KCNAB1: variants seen among roughly 807,000 people sequenced by gnomAD.
KCNAB1 encodes potassium voltage-gated channel subfamily A regulatory beta subunit 1, also known as voltage-gated potassium channel subunit beta-1.
Under a neutral mutation model 64.6 loss-of-function variants are expected in KCNAB1, and 35 were observed. That is an observed-to-expected ratio of 0.54 (90% CI 0.41 to 0.72). The LOEUF (loss-of-function observed/expected upper bound fraction) is 0.72. Ranked by LOEUF, KCNAB1 falls within the 30% of genes least tolerant of loss-of-function variation. The pLI, the probability that KCNAB1 is intolerant of heterozygous loss-of-function variation, is 0.00. For synonymous variants in KCNAB1, 177 were observed against 183.8 expected, an observed-to-expected ratio of 0.96 and a Z score of 0.30; for missense variants, 401 against 512.9, an observed-to-expected ratio of 0.78 and a Z score of 2.11.
At chr3:156,493,976 A>C (rs1447984638) in intron 8 of KCNAB1, among the ~76,000 whole-genome samples, 1 of 152,166 alleles carries the variant, frequency 6.6e-6, no homozygotes, top group Non-Finnish European at 1.5e-5. Flanking sequence ...TCTCCACTGT[A>C]AAGTTACCTT....
intron 8 of KCNAB1, among the ~76,000 whole-genome samples, chr3:156,501,226 A>G (rs941264538): frequency 6.6e-6 from 1 of 152,190 alleles, no homozygotes; most frequent in Non-Finnish European, 1.5e-5. Flanking sequence ...TGAGAGTCCA[A>G]AAAGCCTGCA....
chr3:156,201,400 T>C (rs1191165586), intron 1 of KCNAB1, among the ~76,000 whole-genome samples: 2 of 152,198 alleles, frequency 1.3e-5, no homozygotes, highest in Non-Finnish European at 1.5e-5. Context: ...ACAATCTCTT[T>C]CACTATCCAC....
In KCNAB1 at chr3:156,476,350, T is replaced by G. The variant is rs544490085; in HGVS notation, c.658+1530T>G. 2.1e-4 allele frequency among the ~76,000 whole-genome samples: 32 copies of G among 152,218 alleles called. No homozygotes were observed. In the South Asian group the frequency reaches 6.2e-3, roughly 30 times the overall value. Reference sequence around the variant, plus strand: ...GTCCACTGTAGCATGCTTATGTCTTTGTGTCCTCATAGCTTAGTTCTCACA... The same window carrying G: ...GTCCACTGTAGCATGCTTATGTCTTGGTGTCCTCATAGCTTAGTTCTCACA... On this transcript the variant is annotated intron_variant, in intron 8 of 13. Transcript: ENST00000490337.
chr3:156,142,926 G>A (rs1346386626), intron 1 of KCNAB1: 1 of 1,082,344 alleles, frequency 9.2e-7, no homozygotes, highest in African/African-American at 1.6e-5. Context: ...ACTTTAAAGG[G>A]ATGAGAAAAG....
In KCNAB1 at chr3:156,531,454, C is replaced by T. The variant is rs1718695961; in HGVS notation, c.1127C>T (p.Ser376Leu). The T allele has an allele frequency of 6.2e-7, 1 of 1,614,096 alleles. No homozygotes were observed. The highest frequency in any genetic ancestry group is 8.5e-7 in the Non-Finnish European group (1 of 1,179,946). The change falls in exon 13 of 14, where the codon TCA (serine) becomes TTA (leucine). Residue 376 changes from serine to leucine, a missense_variant. Ser to Leu is a moderately radical substitution (Grantham distance 145). Transcript: ENST00000490337. ...GGTGTGAGTTCTGTGCTCCTGGGAT[C>T]ATCCACTCCTGAACAACTCATTGAA... The part of the protein sequence containing the change: ...NEGVSSVLLG[S>L]STPEQLIENL...
chr3:156,141,032 A>G (rs1417394119), intron 1 of KCNAB1, among the ~76,000 whole-genome samples: 1 of 152,002 alleles, frequency 6.6e-6, no homozygotes, highest in African/African-American at 2.4e-5. Context: ...CATGTGGTGG[A>G]AAAACCCATA....
intron 11 of KCNAB1, 125 bp from the exon 12 acceptor site, chr3:156,523,702 T>C (rs1718106413): frequency 2.5e-6 from 2 of 813,870 alleles, no homozygotes; most frequent in Admixed American, 2.3e-5. Context: ...TCCCTGTCAG[T>C]GTGAAACATA....
At chr3:156,148,698 A>G (rs116736215) in intron 1 of KCNAB1, among the ~76,000 whole-genome samples, 1,710 of 152,322 alleles carry the variant, frequency 0.011, 31 homozygotes, top group African/African-American at 0.039. Context: ...CTTTTTAACC[A>G]ATCCTAGTAA....
chr3:156,329,860 C>T (rs1723219773), intron 1 of KCNAB1, among the ~76,000 whole-genome samples: 2 of 152,106 alleles, frequency 1.3e-5, no homozygotes, highest in African/African-American at 4.8e-5. Flanking sequence ...GAGTCCAGAC[C>T]AGGCTGGGTT....
intron 1 of KCNAB1, among the ~76,000 whole-genome samples, chr3:156,381,371 G>A (rs1712146464): frequency 6.6e-6 from 1 of 152,168 alleles, no homozygotes; most frequent in Non-Finnish European, 1.5e-5. Flanking sequence ...AGGATACTGA[G>A]GGGATTCTGG....
At chr3:156,357,182 C>T (rs1725310441) in intron 1 of KCNAB1, among the ~76,000 whole-genome samples, 1 of 152,108 alleles carries the variant, frequency 6.6e-6, no homozygotes. Flanking sequence ...CACACACACA[C>T]ACACCCCTGT....
At chr3:156,516,032 T>C (rs929828345) in intron 10 of KCNAB1, among the ~76,000 whole-genome samples, 7 of 152,160 alleles carry the variant, frequency 4.6e-5, no homozygotes, top group African/African-American at 1.7e-4. Context: ...TTTCAGGCTT[T>C]CTGATATGCA....
At chr3:156,247,305 A>G (rs1398910692) in intron 1 of KCNAB1, among the ~76,000 whole-genome samples, 2 of 152,220 alleles carry the variant, frequency 1.3e-5, no homozygotes. Context: ...ATTGGTACAC[A>G]GTCACTTCTG....
At chr3:156,368,496 C>T (rs186511031) in intron 1 of KCNAB1, among the ~76,000 whole-genome samples, 3 of 152,310 alleles carry the variant, frequency 2.0e-5, no homozygotes, top group Admixed American at 1.3e-4. Flanking sequence ...GCAATCATAG[C>T]TCACTGCAGC....
At chr3:156,246,677 A>G (rs7627105) in intron 1 of KCNAB1, among the ~76,000 whole-genome samples, 119,400 of 148,920 alleles carry the variant, frequency 0.8, 48,079 homozygotes, top group East Asian at 0.99. Context: ...AGTCATTTAT[A>G]TATATTGTGC....
At chr3:156,387,920 A>C (rs1450106) in intron 1 of KCNAB1, among the ~76,000 whole-genome samples, 1 of 152,066 alleles carries the variant, frequency 6.6e-6, no homozygotes, top group African/African-American at 2.4e-5. Flanking sequence ...TGGTAAAGAA[A>C]ATTCACCGCG....
At chr3:156,396,009 G>A (rs751730512) in intron 1 of KCNAB1, among the ~76,000 whole-genome samples, 12 of 152,170 alleles carry the variant, frequency 7.9e-5, no homozygotes, top group Non-Finnish European at 1.3e-4. Context: ...TGTAGAAGTC[G>A]AAACAATTTA....
chr3:156,345,449 T>C (rs1724422704), intron 1 of KCNAB1, among the ~76,000 whole-genome samples: 1 of 152,220 alleles, frequency 6.6e-6, no homozygotes, highest in Admixed American at 6.5e-5. Flanking sequence ...CATTGTATTA[T>C]GGCCTACAAA....
At chr3:156,399,304 T>C (rs1321075378) in intron 1 of KCNAB1, among the ~76,000 whole-genome samples, 4 of 152,004 alleles carry the variant, frequency 2.6e-5, no homozygotes, top group Non-Finnish European at 5.9e-5. Context: ...CTAGAAAAAA[T>C]AAAAACAGTT....
Sources: gnomAD v4.1 joint callset for allele counts (sites outside exome capture counted in the v4.1 genomes callset) on GRCh38, gnomAD v4.1.1 for gene constraint, MANE v1.5 for transcripts, NCBI Gene and HGNC (gene_info 2026-07-23, HGNC 2026-07-21) for gene names.